Variants in LRRTM3 observed in about 807,000 individuals in gnomAD.
LRRTM3 encodes the protein leucine-rich repeat transmembrane neuronal protein 3.
A neutral mutation model predicts 44.7 loss-of-function variants in LRRTM3; 24 were observed. That is an observed-to-expected ratio of 0.54 (90% CI 0.39 to 0.76). The LOEUF (loss-of-function observed/expected upper bound fraction) is 0.76. Ranked by LOEUF, LRRTM3 falls within the 30% of genes least tolerant of loss-of-function variation. The pLI, the probability that LRRTM3 is intolerant of heterozygous loss-of-function variation, is 0.00. For missense variants in LRRTM3, 587 were observed against 702.2 expected (o/e 0.84, Z 1.85); for synonymous variants, 277 against 278.7 (o/e 0.99, Z 0.06).
In LRRTM3 at chr10:66,926,490, T is replaced by G; in HGVS notation, c.-94T>G. On this transcript the variant is annotated 5_prime_UTR_variant, in exon 1 of 3. The change abolishes the stop of an existing upstream ORF in the 5' untranslated region. Transcript: ENST00000361320. ...TTTCTTCCTGGGTGTCAGCGAGCCCTGACTCACTACAGTGCAGCTGACAGG... is the reference window on the plus strand; with the variant it reads ...TTTCTTCCTGGGTGTCAGCGAGCCCGGACTCACTACAGTGCAGCTGACAGG... The G allele has an allele frequency of 6.9e-7, 1 of 1,442,320 alleles. No homozygotes were observed. Among genetic ancestry groups the G allele is most frequent in the African/African-American group, 1.4e-5 (1 of 70,226 alleles). 89.3% of individuals were successfully genotyped at this position (1,442,320 alleles called of 1,614,324 possible).
chr10:67,094,254 A>G (rs4322291), intron 2 of LRRTM3, among the ~76,000 whole-genome samples: 86,063 of 151,654 alleles, frequency 0.57, 26,185 homozygotes, highest in African/African-American at 0.8. Flanking sequence ...ATTACATTTA[A>G]GAATCATTGG....
chr10:66,930,588 C>T (rs1847321180), intron 2 of LRRTM3, among the ~76,000 whole-genome samples: 1 of 152,070 alleles, frequency 6.6e-6, no homozygotes, highest in South Asian at 2.1e-4. Flanking sequence ...GTGATGGATA[C>T]CAAATATATT....
chr10:66,933,578 G>A (rs1050016599), intron 2 of LRRTM3, among the ~76,000 whole-genome samples: 1 of 152,086 alleles, frequency 6.6e-6, no homozygotes, highest in South Asian at 2.1e-4. Context: ...GGATTAGCAC[G>A]CATTCCAGGT....
At chr10:67,027,812 T>C (rs1338571918) in intron 2 of LRRTM3, among the ~76,000 whole-genome samples, 1 of 152,180 alleles carries the variant, frequency 6.6e-6, no homozygotes, top group Non-Finnish European at 1.5e-5. Context: ...ACAAAGAGTA[T>C]ATTCGTTTTT....
chr10:66,978,552 A>ATAAAATATATATATAT (rs1197845049), intron 2 of LRRTM3, among the ~76,000 whole-genome samples: 1 of 37,866 alleles, frequency 2.6e-5, no homozygotes, highest in Non-Finnish European at 4.8e-5. Flanking sequence ...AAAAAAAAAA[A>ATAAAATATATATATAT]ATATATATAT....
At chr10:67,010,756 C>A (rs1852272288) in intron 2 of LRRTM3, among the ~76,000 whole-genome samples, 1 of 152,180 alleles carries the variant, frequency 6.6e-6, no homozygotes, top group South Asian at 2.1e-4. Context: ...GTTTGCCATA[C>A]CCCAAATGCT....
At chr10:67,088,600 T>C (rs190159574) in intron 2 of LRRTM3, among the ~76,000 whole-genome samples, 95 of 152,172 alleles carry the variant, frequency 6.2e-4, no homozygotes, top group Non-Finnish European at 1.1e-3. Flanking sequence ...AGAATGTTTT[T>C]TCCTTACTCT....
intron 2 of LRRTM3, among the ~76,000 whole-genome samples, chr10:66,976,049 G>T (rs1174884712): frequency 6.6e-6 from 1 of 152,096 alleles, no homozygotes; most frequent in Non-Finnish European, 1.5e-5. Flanking sequence ...CCCAATAATA[G>T]GTCAGTTAGT....
intron 2 of LRRTM3, among the ~76,000 whole-genome samples, chr10:67,075,869 A>T (rs1856720590): frequency 6.6e-6 from 1 of 152,230 alleles, no homozygotes; most frequent in Admixed American, 6.5e-5. Context: ...CTGAGCTTTC[A>T]ATCAACAATT....
chr10:67,043,800 T>A (rs1854554923), intron 2 of LRRTM3, among the ~76,000 whole-genome samples: 1 of 152,164 alleles, frequency 6.6e-6, no homozygotes, highest in African/African-American at 2.4e-5. Flanking sequence ...GCACAGCAAC[T>A]CAATAGCACA....
intron 2 of LRRTM3, among the ~76,000 whole-genome samples, chr10:67,034,164 T>C (rs546557120): frequency 7.2e-5 from 11 of 152,340 alleles, no homozygotes; most frequent in African/African-American, 2.2e-4. Flanking sequence ...GCCAATGGAC[T>C]AGTTTCCTAT....
intron 2 of LRRTM3, among the ~76,000 whole-genome samples, chr10:67,079,295 C>A (rs1856912054): frequency 1.3e-5 from 2 of 152,190 alleles, no homozygotes; most frequent in South Asian, 4.1e-4. Context: ...TAAATACAGA[C>A]ATCATGGCCA....
chr10:67,046,648 A>G (rs187668899), intron 2 of LRRTM3, among the ~76,000 whole-genome samples: 97 of 152,368 alleles, frequency 6.4e-4, no homozygotes, highest in Middle Eastern at 6.8e-3. Context: ...TTTCAGCAGA[A>G]AAGATTGGAA....
At chr10:67,027,322 T>G (rs1853448909) in intron 2 of LRRTM3, among the ~76,000 whole-genome samples, 2 of 152,216 alleles carry the variant, frequency 1.3e-5, no homozygotes, top group South Asian at 4.1e-4. Context: ...ACATCTGACA[T>G]TCAACTGACA....
intron 2 of LRRTM3, among the ~76,000 whole-genome samples, chr10:67,041,247 G>C (rs932193833): frequency 6.6e-6 from 1 of 152,096 alleles, no homozygotes; most frequent in African/African-American, 2.4e-5. Flanking sequence ...GCTAGTGTTA[G>C]AATGTGAACC....
chr10:66,978,682 T>G (rs1386121535), intron 2 of LRRTM3, among the ~76,000 whole-genome samples: 1 of 148,432 alleles, frequency 6.7e-6, no homozygotes, highest in Non-Finnish European at 1.5e-5. Flanking sequence ...AAATAGCAAA[T>G]AAAAATTAGC....
At chr10:67,090,025 C>A (rs575434793) in intron 2 of LRRTM3, among the ~76,000 whole-genome samples, 1 of 152,128 alleles carries the variant, frequency 6.6e-6, no homozygotes, top group African/African-American at 2.4e-5. Flanking sequence ...TTTCTTTTTG[C>A]ACATTTTGTT....
chr10:67,081,881 T>G (rs956143800), intron 2 of LRRTM3, among the ~76,000 whole-genome samples: 2 of 152,204 alleles, frequency 1.3e-5, no homozygotes, highest in African/African-American at 4.8e-5. Context: ...TAGCCCTGTT[T>G]ATTCACTAGT....
At chr10:67,028,889 C>A (rs1255807259) in intron 2 of LRRTM3, among the ~76,000 whole-genome samples, 2 of 152,088 alleles carry the variant, frequency 1.3e-5, no homozygotes, top group Non-Finnish European at 2.9e-5. Flanking sequence ...ATTAATGAGT[C>A]ATTTTAACAT....
Sources: allele counts gnomAD v4.1 joint callset (sites outside exome capture counted in the v4.1 genomes callset), GRCh38; gene constraint gnomAD v4.1.1; transcripts MANE v1.5; gene names NCBI Gene and HGNC (gene_info 2026-07-23, HGNC 2026-07-21).